The following PSME4 variants were observed in gnomAD, a reference collection of about 807,000 sequenced individuals.
The protein encoded by PSME4 is proteasome activator complex subunit 4.
A neutral mutation model predicts 253.9 loss-of-function variants in PSME4; 89 were observed. That is an observed-to-expected ratio of 0.35 (90% confidence interval 0.30 to 0.42). The LOEUF (loss-of-function observed/expected upper bound fraction) is 0.42. Ranked by LOEUF, PSME4 falls within the 10% of genes least tolerant of loss-of-function variation. PSME4 has a pLI of 1.00. For missense variants in PSME4, 2,014 were observed against 2,195.2 expected, an observed-to-expected ratio of 0.92 and a Z score of 1.65; for synonymous variants, 851 against 759.2, an observed-to-expected ratio of 1.12 and a Z score of -1.99.
rs539389043 is a variant in PSME4, at chr2:53,952,904, C to T, written c.243-3621G>A. ...GAGCTGGGGGTTGGGGGACCCCCTG[C>T]TCCAAGCCACTGAAGTAACTTAGCT... On this transcript the variant is annotated intron_variant, in intron 1 of 46. Coordinates refer to ENST00000404125, the MANE Select transcript of PSME4 (RefSeq NM_014614.3). Among the ~76,000 whole-genome samples, 6 of 152,338 alleles carry T rather than the reference C, an allele frequency of 3.9e-5. No homozygotes were observed. In the South Asian group the frequency reaches 1.2e-3, roughly 32 times the overall value.
chr2:53,874,078 C>T (rs529773370), intron 43 of PSME4, among the ~76,000 whole-genome samples: 1 of 152,154 alleles, frequency 6.6e-6, no homozygotes, highest in African/African-American at 2.4e-5. Context: ...CCTCCGACCT[C>T]GACCTCCTGA....
rs751007188 is a variant in PSME4 at position 53,869,358 on chromosome 2, T to A, written c.5263+18A>T. The A allele has an allele frequency of 1.3e-6, 2 of 1,590,548 alleles. No individual in the cohort carries two copies. The highest frequency in any genetic ancestry group is 2.7e-5 in the African/African-American group (2 of 74,616). Reference sequence around the variant, plus strand: ...TAATTCCCAATAGGATACAGGTGTTTCCTACCAGCAATGTTACCTGCAGAA... The same window carrying A: ...TAATTCCCAATAGGATACAGGTGTTACCTACCAGCAATGTTACCTGCAGAA... On this transcript the variant is annotated intron_variant, in intron 44 of 46. Transcript: ENST00000404125.
At chr2:53,918,853 A>G (rs1163017852) in intron 20 of PSME4, among the ~76,000 whole-genome samples, 1 of 152,228 alleles carries the variant, frequency 6.6e-6, no homozygotes, top group Admixed American at 6.5e-5. Flanking sequence ...CCTTTTTAAA[A>G]GAACAGCATT....
chr2:53,966,390 G>A (rs527352236), intron 1 of PSME4, among the ~76,000 whole-genome samples: 1 of 152,184 alleles, frequency 6.6e-6, no homozygotes. Flanking sequence ...GGCAGGCCAC[G>A]GTGGCTCACG....
chr2:53,942,354 A>G (rs1198452360), intron 3 of PSME4: 1 of 152,570 alleles, frequency 6.6e-6, no homozygotes, highest in African/African-American at 2.4e-5. Context: ...AGTGATAACA[A>G]TTCAAAACAC....
chr2:53,962,389 T>C (rs1224164700), intron 1 of PSME4, among the ~76,000 whole-genome samples: 1 of 136,944 alleles, frequency 7.3e-6, no homozygotes, highest in Non-Finnish European at 1.5e-5. Context: ...TATGCTTATT[T>C]ACAAGCTTGC....
At chr2:53,969,436 A>G (rs1160560199) in intron 1 of PSME4, among the ~76,000 whole-genome samples, 3 of 152,198 alleles carry the variant, frequency 2.0e-5, no homozygotes, top group African/African-American at 7.2e-5. Flanking sequence ...ATATACACAA[A>G]ACTATTACAA....
At chr2:53,905,876 T>C (rs1355454538) in intron 26 of PSME4, among the ~76,000 whole-genome samples, 2 of 152,128 alleles carry the variant, frequency 1.3e-5, no homozygotes, top group Non-Finnish European at 2.9e-5. Flanking sequence ...GGATTTGAGA[T>C]TTTTTTCACA....
chr2:53,957,770 AT>A (rs2104484481), intron 1 of PSME4, among the ~76,000 whole-genome samples: 1 of 152,292 alleles, frequency 6.6e-6, no homozygotes, highest in African/African-American at 2.4e-5. Context: ...GAAGTAAGAC[AT>A]TATGCATCTC....
At chr2:53,940,958 T>C (rs58198742) in intron 3 of PSME4, among the ~76,000 whole-genome samples, 802 of 49,526 alleles carry the variant, frequency 0.016, 80 homozygotes, top group African/African-American at 0.042. Context: ...TATACATATA[T>C]ATATATATAT....
In PSME4 at chr2:53,936,121, A is replaced by G. The variant is rs750774524; in HGVS notation, c.800T>C (p.Ile267Thr). ...NLFARLATDN[I>T]GYIDWDPYVP... The stretch of plus-strand genomic sequence containing the variant: ...ATATGGATCCCAATCTATGTACCCT[A>G]TATTATCTGTAGCCAATCGAGCAAA... Residue 267 changes from isoleucine (I) to threonine (T), a missense_variant, in exon 7 of 47, where the codon ATA becomes ACA. By Grantham distance (89) the Ile-to-Thr change is moderately conservative (BLOSUM62 -1). Transcript: ENST00000404125. 1.1e-5 allele frequency: 17 copies of G among 1,613,440 alleles called. No individual in the cohort carries two copies. The Admixed American group carries it at 2.7e-4, about 25-fold the overall frequency.
intron 45 of PSME4, 67 bp downstream of exon 45, chr2:53,866,677 AATT>A: frequency 2.7e-6 from 4 of 1,506,422 alleles, no homozygotes; most frequent in Non-Finnish European, 2.7e-6. Context: ...GTGTATAGGA[AATT>A]ATTATTATGG....
Position 53,958,899 on chromosome 2 carries a change from C to T in PSME4, c.243-9616G>A, listed in dbSNP as rs544801931. Among the ~76,000 whole-genome samples the T allele has an allele frequency of 1.7e-3, 263 of 150,388 alleles. 2 individuals are homozygous for T. The highest frequency in any genetic ancestry group is 6.1e-3 in the African/African-American group (249 of 41,062). On this transcript the variant is annotated intron_variant, in intron 1 of 46. Transcript: ENST00000404125. ...AGTGTTGACGGAAGATTGTTCCATT[C>T]AAATTACCAACAAAAAAATTAATTG...
intron 17 of PSME4, among the ~76,000 whole-genome samples, chr2:53,921,859 C>A (rs1196863985): frequency 1.4e-5 from 1 of 73,864 alleles, no homozygotes; most frequent in African/African-American, 4.3e-5. Flanking sequence ...CAGAGCGAGA[C>A]TCCGTCTCAA....
At chr2:53,954,999 G>C (rs549131342) in intron 1 of PSME4, among the ~76,000 whole-genome samples, 1 of 151,426 alleles carries the variant, frequency 6.6e-6, no homozygotes, top group South Asian at 2.1e-4. Flanking sequence ...GGGTAACAAG[G>C]AGACCCCGTC....
chr2:53,944,105 T>A (rs892840173), intron 3 of PSME4, among the ~76,000 whole-genome samples: 2 of 152,180 alleles, frequency 1.3e-5, no homozygotes, highest in African/African-American at 4.8e-5. Context: ...AAGAACACTG[T>A]AGCACAGAAA....
At position 53,906,846 on chromosome 2, in the gene PSME4, A is replaced by G; in HGVS notation, c.2807T>C (p.Ile936Thr). ...TACTCTATCAATCAACAGTGCTCTG[A>G]TATGTTGTTTTTTCCCATGGAGCTG... The part of the protein sequence containing the change: ...ENRLHGKKQH[I>T]RALLIDRVML... Residue 936 changes from isoleucine to threonine, a missense_variant, in exon 25 of 47, where the codon ATC becomes ACC. Ile to Thr is a moderately conservative substitution (Grantham distance 89). This residue lies in a region of PSME4 where 989 missense variants were observed against 1,021.1 expected (regional missense o/e 0.97). Coordinates refer to ENST00000404125, the MANE Select transcript of PSME4 (RefSeq NM_014614.3). 1.2e-6 allele frequency: 2 copies of G among 1,613,628 alleles called. No individual in the cohort carries two copies. The highest frequency in any genetic ancestry group is 1.7e-6 in the Non-Finnish European group (2 of 1,179,818).
At chr2:53,939,857 G>T in intron 4 of PSME4, 99 bp downstream of exon 4, 1 of 1,029,768 alleles carries the variant, frequency 9.7e-7, no homozygotes, top group Non-Finnish European at 1.4e-6. Flanking sequence ...ACAATGTCAG[G>T]AACTATTTAT....
intron 1 of PSME4, among the ~76,000 whole-genome samples, chr2:53,962,148 T>G (rs1014694349): frequency 6.6e-6 from 1 of 152,212 alleles, no homozygotes; most frequent in Non-Finnish European, 1.5e-5. Flanking sequence ...CATTGATTTC[T>G]TCATTATGGC....
Sources: allele counts gnomAD v4.1 joint callset (sites outside exome capture counted in the v4.1 genomes callset), GRCh38; gene constraint gnomAD v4.1.1; regional missense constraint gnomAD v4.1.1; transcripts MANE v1.5; gene names NCBI Gene and HGNC (gene_info 2026-07-23, HGNC 2026-07-21).